Variants in CALN1 observed in about 807,000 individuals in gnomAD.
CALN1 encodes the protein calneuron 1.
Under a neutral mutation model 30.6 loss-of-function variants are expected in CALN1, and 17 were observed. The ratio of observed to expected loss-of-function variants is 0.56; its 90% CI spans 0.38 to 0.83. The LOEUF is 0.83. CALN1 is among the 40% of genes least tolerant of loss of function. The pLI is 0.00. For missense variants in CALN1, 291 were observed against 354.9 expected (o/e 0.82, Z 1.45); for synonymous variants, 156 against 131.4 (o/e 1.19, Z -1.28).
chr7:72,300,090 C>G (rs1453152908), intron 2 of CALN1, among the ~76,000 whole-genome samples: 3 of 151,926 alleles, frequency 2.0e-5, no homozygotes, highest in African/African-American at 7.3e-5. Context: ...CCATGTTGGC[C>G]AGGCTGGTCT....
chr7:72,148,521 C>T (rs1480304900), intron 3 of CALN1, among the ~76,000 whole-genome samples: 1 of 152,136 alleles, frequency 6.6e-6, no homozygotes, highest in African/African-American at 2.4e-5. Flanking sequence ...ATTGCTTGAG[C>T]CCAGGAGTTT....
intron 2 of CALN1, among the ~76,000 whole-genome samples, chr7:72,331,446 C>T (rs1801671770): frequency 6.6e-6 from 1 of 152,144 alleles, no homozygotes; most frequent in Non-Finnish European, 1.5e-5. Context: ...GATACAGGGA[C>T]CCAAAACTAT....
At chr7:72,083,138 A>T (rs2867568) in intron 4 of CALN1, among the ~76,000 whole-genome samples, 113,226 of 151,882 alleles carry the variant, frequency 0.75, 42,693 homozygotes, top group East Asian at 1. Context: ...GAGGCGGAGG[A>T]TGCAGTGAGC....
intron 2 of CALN1, among the ~76,000 whole-genome samples, chr7:72,378,541 A>T (rs1804699715): frequency 1.3e-5 from 2 of 152,146 alleles, no homozygotes. Flanking sequence ...CTCTCTAGTT[A>T]ATCACTTCAA....
At chr7:72,445,927 G>A (rs1808511705) in intron 1 of CALN1, among the ~76,000 whole-genome samples, 3 of 152,168 alleles carry the variant, frequency 2.0e-5, no homozygotes, top group Admixed American at 2.0e-4. Flanking sequence ...CTCAAGACTT[G>A]AACGGGGATG....
intron 4 of CALN1, among the ~76,000 whole-genome samples, chr7:72,070,007 G>C (rs1028148510): frequency 6.6e-6 from 1 of 152,096 alleles, no homozygotes; most frequent in African/African-American, 2.4e-5. Context: ...AACTCTATGG[G>C]GCACAGAAGA....
intron 2 of CALN1, among the ~76,000 whole-genome samples, chr7:72,325,458 G>A (rs978550496): frequency 2.6e-5 from 4 of 152,004 alleles, no homozygotes; most frequent in South Asian, 2.1e-4. Context: ...AAACTGAGCC[G>A]GGCGTGGTGG....
At chr7:72,383,023 T>C (rs1426455799) in intron 2 of CALN1, among the ~76,000 whole-genome samples, 1 of 152,176 alleles carries the variant, frequency 6.6e-6, no homozygotes, top group Non-Finnish European at 1.5e-5. Flanking sequence ...CTTGACCTCA[T>C]GATCCACCCT....
intron 2 of CALN1, among the ~76,000 whole-genome samples, chr7:72,353,282 G>A (rs1381639374): frequency 2.0e-5 from 3 of 151,804 alleles, no homozygotes; most frequent in African/African-American, 4.8e-5. Flanking sequence ...TCAAATACAG[G>A]CAATACCAAA....
intron 5 of CALN1, among the ~76,000 whole-genome samples, chr7:71,833,168 C>A (rs1019371542): frequency 5.3e-5 from 8 of 152,308 alleles, no homozygotes; most frequent in African/African-American, 1.9e-4. Context: ...GATGTGTTTT[C>A]TCTTACATGT....
At chr7:71,809,160 C>T (rs1159328541) in intron 6 of CALN1, among the ~76,000 whole-genome samples, 1 of 152,098 alleles carries the variant, frequency 6.6e-6, no homozygotes, top group African/African-American at 2.4e-5. Context: ...GCAACAGACT[C>T]CACTACTCCC....
chr7:71,944,913 C>G (rs1266549236), intron 5 of CALN1, among the ~76,000 whole-genome samples: 1 of 151,768 alleles, frequency 6.6e-6, no homozygotes, highest in African/African-American at 2.4e-5. Flanking sequence ...CTAGAGGTGA[C>G]TACACTGAAA....
In CALN1 at chr7:72,115,344, A is replaced by ATT. The variant is rs1333682465; in HGVS notation, c.245-9052_245-9051dup. 6.9e-4 allele frequency among the ~76,000 whole-genome samples: 97 copies of ATT among 140,954 alleles called. 1 individual carries two copies. In the East Asian group the frequency reaches 0.018, roughly 26 times the overall value. The allele number at this position is 140,954 out of a possible 152,430, so 92.5% of individuals were successfully genotyped here. ...TTTTAGCACCATCATCTCCACCTGG[A>ATT]TTTTTTTTTTTTTACTTTTTCATGG... On this transcript the variant is annotated intron_variant, in intron 3 of 6. Coordinates refer to ENST00000395275, the MANE Select transcript of CALN1 (RefSeq NM_031468.4).
intron 2 of CALN1, among the ~76,000 whole-genome samples, chr7:72,385,978 A>G (rs1805189100): frequency 6.6e-6 from 1 of 152,194 alleles, no homozygotes; most frequent in Non-Finnish European, 1.5e-5. Context: ...CCACAAAGAC[A>G]CGGATTGATC....
At chr7:72,284,879 G>A (rs1249878588) in intron 2 of CALN1, among the ~76,000 whole-genome samples, 2 of 152,106 alleles carry the variant, frequency 1.3e-5, no homozygotes, top group African/African-American at 4.8e-5. Flanking sequence ...AGGTAGGTAG[G>A]TAGATAGATA....
intron 5 of CALN1, among the ~76,000 whole-genome samples, chr7:72,021,928 A>T (rs900931743): frequency 2.6e-5 from 4 of 152,068 alleles, no homozygotes; most frequent in Non-Finnish European, 5.9e-5. Context: ...CCCTGCCAAT[A>T]ACAGCAAGTT....
intron 5 of CALN1, among the ~76,000 whole-genome samples, chr7:71,817,661 G>A (rs1365346311): frequency 4.6e-5 from 7 of 151,856 alleles, no homozygotes; most frequent in South Asian, 2.1e-4. Context: ...GATTACAGGC[G>A]CCCACCACCA....
At chr7:71,810,702 C>T (rs964343979) in intron 5 of CALN1, among the ~76,000 whole-genome samples, 4 of 152,058 alleles carry the variant, frequency 2.6e-5, no homozygotes, top group African/African-American at 9.7e-5. Flanking sequence ...GAACATATTC[C>T]CTTCGCTTTA....
chr7:72,407,500 G>C (rs954090441), intron 1 of CALN1, among the ~76,000 whole-genome samples: 1 of 152,188 alleles, frequency 6.6e-6, no homozygotes, highest in Non-Finnish European at 1.5e-5. Context: ...GTTGTTGCAA[G>C]TGTGTGCAAA....
Sources: gnomAD v4.1 joint callset for allele counts (sites outside exome capture counted in the v4.1 genomes callset) on GRCh38, gnomAD v4.1.1 for gene constraint, MANE v1.5 for transcripts, NCBI Gene and HGNC (gene_info 2026-07-23, HGNC 2026-07-21) for gene names.